GPC5: variants seen among roughly 807,000 people sequenced by gnomAD.
GPC5 encodes the protein glypican 5.
GPC5 carries 47 observed loss-of-function variants against 53.9 expected under a neutral mutation model. The observed-to-expected ratio is 0.87, with a 90% confidence interval of 0.69 to 1.11. GPC5 has a LOEUF of 1.11. GPC5 is among the 50% of genes most tolerant of loss of function. GPC5 has a pLI of 0.00. For synonymous variants in GPC5, 286 were observed against 263.3 expected (o/e 1.09, Z -0.84); for missense variants, 748 against 713.1 (o/e 1.05, Z -0.56).
intron 2 of GPC5, among the ~76,000 whole-genome samples, chr13:91,651,256 A>C (rs1231146070): frequency 6.6e-6 from 1 of 152,162 alleles, no homozygotes; most frequent in East Asian, 1.9e-4. Context: ...TTAAAGGCAC[A>C]TGAGGTCTAC....
chr13:92,640,735 T>G (rs1885568194), intron 7 of GPC5, among the ~76,000 whole-genome samples: 1 of 152,030 alleles, frequency 6.6e-6, no homozygotes, highest in South Asian at 2.1e-4. Context: ...AAATAGGCAA[T>G]AGCTTGAAGG....
intron 7 of GPC5, among the ~76,000 whole-genome samples, chr13:92,175,121 GGGA>G (rs1422500526): frequency 1.3e-5 from 2 of 152,204 alleles, no homozygotes; most frequent in Non-Finnish European, 2.9e-5. Flanking sequence ...CCAAAGTGCT[GGGA>G]TTACAGGCGT....
chr13:92,129,652 AT>A (rs2041727626), intron 6 of GPC5, among the ~76,000 whole-genome samples: 1 of 152,352 alleles, frequency 6.6e-6, no homozygotes, highest in South Asian at 2.1e-4. Flanking sequence ...TCTATAAAAA[AT>A]CATAGACATT....
chr13:92,613,507 T>C (rs1467692176), intron 7 of GPC5, among the ~76,000 whole-genome samples: 22 of 72,672 alleles, frequency 3.0e-4, no homozygotes, highest in Non-Finnish European at 5.9e-4. Flanking sequence ...ATAATTTATA[T>C]ATAAAATATA....
At chr13:91,618,328 T>G (rs932382629) in intron 2 of GPC5, among the ~76,000 whole-genome samples, 7 of 152,128 alleles carry the variant, frequency 4.6e-5, no homozygotes, top group African/African-American at 1.7e-4. Flanking sequence ...CCCTTTTATG[T>G]CCAGGCTTAT....
intron 6 of GPC5, among the ~76,000 whole-genome samples, chr13:92,139,874 C>T (rs1230124365): frequency 6.6e-6 from 1 of 151,894 alleles, no homozygotes; most frequent in East Asian, 1.9e-4. Context: ...TAAATTATTT[C>T]CAAGTTCAAA....
intron 6 of GPC5, among the ~76,000 whole-genome samples, chr13:92,089,420 C>A (rs957332679): frequency 6.6e-6 from 1 of 152,114 alleles, no homozygotes; most frequent in African/African-American, 2.4e-5. Context: ...GGCAACCATG[C>A]AAGACTCTCT....
rs556041943 is a variant in GPC5 at position 91,797,779 on chromosome 13, G to A, written c.1280+41359G>A. Among the ~76,000 whole-genome samples the A allele has an allele frequency of 3.9e-5, 6 of 152,276 alleles. No homozygotes were observed. The South Asian group carries it at 6.2e-4, about 16-fold the overall frequency. On this transcript the variant is annotated intron_variant, in intron 5 of 7. Transcript: ENST00000377067. ...GTGACGGTGAGGCAGAGCAGGCGTC[G>A]TGCTGACAGCTGAGATGCTTGTGAT...
intron 2 of GPC5, among the ~76,000 whole-genome samples, chr13:91,614,022 A>T (rs957051725): frequency 5.9e-5 from 9 of 152,232 alleles, no homozygotes; most frequent in Non-Finnish European, 1.3e-4. Context: ...GTGAGTGGAT[A>T]TCGAATACCA....
intron 7 of GPC5, among the ~76,000 whole-genome samples, chr13:92,475,713 A>T (rs1879091755): frequency 6.6e-6 from 1 of 152,166 alleles, no homozygotes; most frequent in Non-Finnish European, 1.5e-5. Flanking sequence ...AACAGAACAG[A>T]GCCCTCAGAA....
chr13:92,775,886 T>G (rs556956522), intron 7 of GPC5, among the ~76,000 whole-genome samples: 77 of 152,316 alleles, frequency 5.1e-4, no homozygotes, highest in African/African-American at 1.8e-3. Flanking sequence ...CTTGATGAAA[T>G]CTTCATTCAC....
chr13:91,871,747 G>A (rs1012416595), intron 5 of GPC5, among the ~76,000 whole-genome samples: 1 of 150,398 alleles, frequency 6.6e-6, no homozygotes, highest in Admixed American at 6.6e-5. Flanking sequence ...GGAATGATTT[G>A]CTTTTGGAAA....
chr13:91,468,457 C>T lies in GPC5; in HGVS notation c.325+19535C>T, dbSNP rs918291012. 2.6e-5 allele frequency among the ~76,000 whole-genome samples: 4 copies of T among 152,030 alleles called. No individual in the cohort carries two copies. The South Asian group carries it at 8.3e-4, about 32-fold the overall frequency. On this transcript the variant is annotated intron_variant, in intron 2 of 7. Transcript: ENST00000377067. The stretch of plus-strand genomic sequence containing the variant: ...GGGCCCACTCCAATGTGATTGGTGG[C>T]CTTATATAAAAGAGGAATTTGAACG...
chr13:92,117,452 T>C (rs551153923), intron 6 of GPC5, among the ~76,000 whole-genome samples: 12 of 152,290 alleles, frequency 7.9e-5, no homozygotes, highest in African/African-American at 2.9e-4. Flanking sequence ...AAATTGCTTT[T>C]GTTAATCTTA....
intron 7 of GPC5, among the ~76,000 whole-genome samples, chr13:92,283,168 G>T (rs954321289): frequency 2.0e-5 from 3 of 152,158 alleles, no homozygotes; most frequent in African/African-American, 7.2e-5. Flanking sequence ...ATGGTAAAGG[G>T]ATCAATTCAA....
At chr13:92,840,078 C>CATATATATATAT (rs4001881) in intron 7 of GPC5, among the ~76,000 whole-genome samples, 115 of 98,956 alleles carry the variant, frequency 1.2e-3, no homozygotes, top group Non-Finnish European at 1.7e-3. Context: ...TATATACATA[C>CATATATATATAT]ATATATATAT....
intron 7 of GPC5, among the ~76,000 whole-genome samples, chr13:92,737,789 G>A (rs1451753117): frequency 7.6e-6 from 1 of 131,260 alleles, no homozygotes; most frequent in Non-Finnish European, 1.6e-5. Context: ...TTTTTGAGAG[G>A]GAGTTTCACT....
At chr13:92,679,965 T>A (rs1438445591) in intron 7 of GPC5, among the ~76,000 whole-genome samples, 1 of 134,684 alleles carries the variant, frequency 7.4e-6, no homozygotes, top group East Asian at 2.4e-4. Context: ...TAAGCAGCGA[T>A]CTCTAAGGTA....
At chr13:91,779,959 A>C (rs1203636778) in intron 5 of GPC5, among the ~76,000 whole-genome samples, 3 of 152,230 alleles carry the variant, frequency 2.0e-5, no homozygotes, top group Admixed American at 6.5e-5. Context: ...TAAATACATA[A>C]ACCGGTAACA....
Sources: gnomAD v4.1 joint callset for allele counts (sites outside exome capture counted in the v4.1 genomes callset) on GRCh38, gnomAD v4.1.1 for gene constraint, MANE v1.5 for transcripts, NCBI Gene and HGNC (gene_info 2026-07-23, HGNC 2026-07-21) for gene names.